Variants in DCAF8 observed in about 807,000 individuals in gnomAD.
DCAF8 encodes DDB1- and CUL4-associated factor 8.
In DCAF8, 20 loss-of-function variants were observed where a neutral mutation model predicts 68.0. The ratio of observed to expected loss-of-function variants is 0.29; its 90% CI spans 0.21 to 0.43. The LOEUF is 0.43. DCAF8 is among the 20% of genes least tolerant of loss of function. DCAF8 has a pLI of 1.00. For missense variants in DCAF8, 460 were observed against 771.0 expected, an observed-to-expected ratio of 0.60 and a Z score of 4.78; for synonymous variants, 230 against 276.9, an observed-to-expected ratio of 0.83 and a Z score of 1.68.
chr1:160,230,665 T>C (rs956363789), intron 7 of DCAF8, among the ~76,000 whole-genome samples: 17 of 152,198 alleles, frequency 1.1e-4, no homozygotes, highest in African/African-American at 3.6e-4. Context: ...ACGAAAAAGG[T>C]AGATTATTTA....
intron 6 of DCAF8, among the ~76,000 whole-genome samples, chr1:160,236,410 GTGTGTATATATGTGTGTGTGTA>G (rs1655895019): frequency 6.6e-6 from 1 of 151,740 alleles, no homozygotes; most frequent in African/African-American, 2.4e-5. Context: ...GTGTATATGT[GTGTGTATATATGTGTGTGTGTA>G]TGTGTGTGTG....
At chr1:160,235,740 A>AT (rs556268467) in intron 6 of DCAF8, among the ~76,000 whole-genome samples, 200 of 144,720 alleles carry the variant, frequency 1.4e-3, no homozygotes, top group Middle Eastern at 3.6e-3. Context: ...ACTTACAATG[A>AT]TTTTTTTTTT....
At chr1:160,226,310 C>T (rs1476869204) in intron 7 of DCAF8, among the ~76,000 whole-genome samples, 13 of 151,956 alleles carry the variant, frequency 8.6e-5, no homozygotes, top group Admixed American at 8.5e-4. Flanking sequence ...GGCCTGTTCT[C>T]CCTCTCATAC....
chr1:160,222,326 G>C (rs895979548), intron 11 of DCAF8, among the ~76,000 whole-genome samples: 2 of 152,144 alleles, frequency 1.3e-5, no homozygotes, highest in Non-Finnish European at 2.9e-5. Context: ...GTGTAGGAGG[G>C]TACGCCCTGA....
chr1:160,219,185 A>G, intron 11 of DCAF8: 1 of 559,596 alleles, frequency 1.8e-6, no homozygotes, highest in East Asian at 3.1e-5. Flanking sequence ...ATCATTTCCT[A>G]TGTATAGGTC....
chr1:160,216,997 C>T lies in DCAF8; in HGVS notation c.*595G>A, dbSNP rs1183920850. ...CAAGTGCAAAATACTGTGGTAAGTA[C>T]AGAGAATGAATAAGGTGGAAAGGAA... is the stretch of plus-strand genomic sequence containing the variant. On this transcript the variant is annotated 3_prime_UTR_variant, in exon 14 of 14. Coordinates refer to ENST00000368074, the MANE Select transcript of DCAF8 (RefSeq NM_015726.4). The T allele has an allele frequency of 6.6e-6, 1 of 150,806 alleles. No individual in the cohort carries two copies. The highest frequency in any genetic ancestry group is 2.5e-5 in the African/African-American group (1 of 40,794). 9.3% of individuals were successfully genotyped at this position (150,806 alleles called of 1,614,324 possible).
At chr1:160,237,607 G>A (rs1042169721) in intron 5 of DCAF8, among the ~76,000 whole-genome samples, 1 of 152,116 alleles carries the variant, frequency 6.6e-6, no homozygotes, top group African/African-American at 2.4e-5. Context: ...GCTCACTAAA[G>A]CCTCAACCTT....
rs1007794703 is a variant in DCAF8 at position 160,235,678 on chromosome 1, T to C, written c.959+1457A>G. ...GGGGAGAAAGGAGAAAGTGTATATA[T>C]GTATTTAGGTACAAAATGTATACAA... On this transcript the variant is annotated intron_variant, in intron 6 of 13. Transcript: ENST00000368074. 2.6e-5 allele frequency among the ~76,000 whole-genome samples: 4 copies of C among 151,892 alleles called. No individual in the cohort carries two copies. In the East Asian group the frequency reaches 5.8e-4, roughly 22 times the overall value.
At position 160,223,768 on chromosome 1, in the gene DCAF8, T is replaced by C. The variant is rs1279972833; in HGVS notation, c.1309+674A>G. Among the ~76,000 whole-genome samples the C allele has an allele frequency of 2.6e-5, 4 of 152,016 alleles. No individual in the cohort carries two copies. The East Asian group carries it at 7.7e-4, about 29-fold the overall frequency. On this transcript the variant is annotated intron_variant, in intron 10 of 13. Transcript: ENST00000368074. ...CAAAAATTAGCCAGGTGTAGAGGCA[T>C]GCACCTGTAGTCCCAGCTACTCACG... is the stretch of plus-strand genomic sequence containing the variant.
chr1:160,250,086 T>C (rs1387075606), intron 2 of DCAF8, among the ~76,000 whole-genome samples: 2 of 152,142 alleles, frequency 1.3e-5, no homozygotes, highest in African/African-American at 4.8e-5. Flanking sequence ...AACTATGCCT[T>C]TGTCAGAATT....
At chr1:160,240,479 G>A in intron 3 of DCAF8, 109 bp from the exon 4 acceptor site, 4 of 1,057,234 alleles carry the variant, frequency 3.8e-6, no homozygotes, top group Non-Finnish European at 5.4e-6. Flanking sequence ...AATGAACTTT[G>A]GTCCAAGTGT....
chr1:160,238,035 G>A (rs1021915637), intron 5 of DCAF8, among the ~76,000 whole-genome samples: 1 of 152,096 alleles, frequency 6.6e-6, no homozygotes, highest in African/African-American at 2.4e-5. Flanking sequence ...GATACTCCAG[G>A]TCCACCTATA....
At chr1:160,253,869 A>G (rs570423484) in intron 2 of DCAF8, among the ~76,000 whole-genome samples, 1 of 152,106 alleles carries the variant, frequency 6.6e-6, no homozygotes, top group Admixed American at 6.6e-5. Flanking sequence ...AGGATAGTCC[A>G]TGCTTCCAAA....
In DCAF8 at chr1:160,218,847, A is replaced by G; in HGVS notation, c.1560+2T>C. The G allele has an allele frequency of 6.2e-7, 1 of 1,614,162 alleles. No homozygotes were observed. Among genetic ancestry groups the G allele is most frequent in the Non-Finnish European group, 8.5e-7 (1 of 1,180,006 alleles). On this transcript the variant is annotated splice_donor_variant, in intron 12 of 13. Coordinates refer to ENST00000368074, the MANE Select transcript of DCAF8 (RefSeq NM_015726.4). LOFTEE classifies it high-confidence loss of function. Reference sequence around the variant, plus strand: ...AAATAACTTCTGCAGTCAGCCACTTACATCTTTTAACCCTGTCAGCTCAGT... The same window carrying G: ...AAATAACTTCTGCAGTCAGCCACTTGCATCTTTTAACCCTGTCAGCTCAGT...
intron 3 of DCAF8, 106 bp downstream of exon 3, chr1:160,243,854 A>T (rs1656215916): frequency 9.2e-7 from 1 of 1,082,680 alleles, no homozygotes; most frequent in Admixed American, 2.0e-5. Flanking sequence ...AACACAGGAA[A>T]GTTTCCCTCT....
chr1:160,262,120 AG>A (rs1447944683), intron 1 of DCAF8: 1 of 386,402 alleles, frequency 2.6e-6, no homozygotes, highest in East Asian at 3.7e-5. Flanking sequence ...GGCTGACCTG[AG>A]GAAAGGGCAA....
chr1:160,220,718 A>G (rs1449439217), intron 11 of DCAF8: 1 of 152,224 alleles, frequency 6.6e-6, no homozygotes, highest in African/African-American at 2.4e-5. Flanking sequence ...GAACAAAGAA[A>G]AGATCCTCAA....
chr1:160,231,459 G>T, intron 6 of DCAF8, 52 bp from the exon 7 acceptor site: 1 of 1,399,372 alleles, frequency 7.1e-7, no homozygotes, highest in Non-Finnish European at 1.0e-6. Flanking sequence ...GATCCAAATG[G>T]TCATGGCAAA....
chr1:160,239,975 G>C lies in DCAF8; in HGVS notation c.445C>G (p.Arg149Gly), dbSNP rs1174255264. Residue 149 changes from arginine (R) to glycine (G), a missense_variant, in exon 4 of 14, where the codon CGA (arginine) becomes GGA (glycine). Arg to Gly is a moderately radical substitution (Grantham distance 125, BLOSUM62 -2). Transcript: ENST00000368074. ...GCAGGGAGGGCTTGCCAGCGAGGTC[G>C]GGGTAGAGCTGATGTTTCTGAGGAC... ...WVSSETSALP[R>G]PRWQALPALR... The C allele has an allele frequency of 1.9e-6, 3 of 1,614,094 alleles. No individual in the cohort carries two copies. Among genetic ancestry groups the C allele is most frequent in the Non-Finnish European group, 2.5e-6 (3 of 1,180,038 alleles).
Sources: gnomAD v4.1 joint callset for allele counts (sites outside exome capture counted in the v4.1 genomes callset) on GRCh38, gnomAD v4.1.1 for gene constraint, MANE v1.5 for transcripts, NCBI Gene and HGNC (gene_info 2026-07-23, HGNC 2026-07-21) for gene names.